Variants in PLA2G5 observed in about 807,000 individuals in gnomAD.
PLA2G5 encodes the protein Ca2+-dependent phospholipase A2.
Under a neutral mutation model 15.9 loss-of-function variants are expected in PLA2G5, and 12 were observed. The observed-to-expected ratio is 0.76, with a 90% CI of 0.48 to 1.23. The LOEUF (loss-of-function observed/expected upper bound fraction) is 1.23. PLA2G5 is among the 50% of genes most tolerant of loss of function. The pLI is 0.00. For missense variants in PLA2G5, 169 were observed against 177.1 expected (o/e 0.95, Z 0.26); for synonymous variants, 71 against 71.4 (o/e 0.99, Z 0.03).
intron 2 of PLA2G5, among the ~76,000 whole-genome samples, chr1:20,060,896 T>G (rs1293087152): frequency 6.6e-6 from 1 of 152,132 alleles, no homozygotes; most frequent in Non-Finnish European, 1.5e-5. Flanking sequence ...TTTGTATTTT[T>G]GGTAGAGATG....
chr1:20,068,652 T>G (rs952191428), upstream of PLA2G5, among the ~76,000 whole-genome samples: 1 of 152,004 alleles, frequency 6.6e-6, no homozygotes, highest in Non-Finnish European at 1.5e-5. Flanking sequence ...GGTTTCTCCA[T>G]GTTGGTCAGG....
chr1:20,049,567 T>C (rs1434232222), intron 1 of PLA2G5, among the ~76,000 whole-genome samples: 2 of 152,154 alleles, frequency 1.3e-5, no homozygotes, highest in African/African-American at 4.8e-5. Context: ...GGTTTTTCCC[T>C]TGCTGTTCTC....
intron 1 of PLA2G5, among the ~76,000 whole-genome samples, chr1:20,034,347 GCCAGAT>G (rs2013132012): frequency 6.6e-6 from 1 of 152,158 alleles, no homozygotes; most frequent in Non-Finnish European, 1.5e-5. Context: ...ACTTTGGGAA[GCCAGAT>G]CCAAGGGAAT....
chr1:20,062,373 C>T (rs1347385352), intron 2 of PLA2G5, among the ~76,000 whole-genome samples: 1 of 152,212 alleles, frequency 6.6e-6, no homozygotes, highest in Non-Finnish European at 1.5e-5. Flanking sequence ...ATGCAAGAAA[C>T]TTCAGTTTAA....
chr1:20,084,478 C>T (rs923203746), intron 1 of PLA2G5, among the ~76,000 whole-genome samples: 4 of 152,190 alleles, frequency 2.6e-5, no homozygotes, highest in African/African-American at 7.2e-5. Context: ...TGCTTCTCCA[C>T]GTATGCCACC....
chr1:20,064,489 C>T (rs774183517), intron 2 of PLA2G5, among the ~76,000 whole-genome samples: 5 of 151,554 alleles, frequency 3.3e-5, no homozygotes, highest in Non-Finnish European at 5.9e-5. Flanking sequence ...GTGGCAGGAT[C>T]GCTTGAACCT....
intron 2 of PLA2G5, among the ~76,000 whole-genome samples, chr1:20,085,374 G>A (rs540431409): frequency 6.6e-6 from 1 of 152,036 alleles, no homozygotes; most frequent in South Asian, 2.1e-4. Context: ...AGGCTGTCCT[G>A]CTCCTTGATG....
chr1:20,077,451 G>A (rs189567605), intron 1 of PLA2G5, among the ~76,000 whole-genome samples: 1 of 152,322 alleles, frequency 6.6e-6, no homozygotes, highest in Admixed American at 6.5e-5. Flanking sequence ...AGCCAGAGGA[G>A]TCGTGCATTC....
chr1:20,083,478 G>A (rs551528556), intron 1 of PLA2G5, among the ~76,000 whole-genome samples: 6 of 151,730 alleles, frequency 4.0e-5, no homozygotes, highest in East Asian at 1.9e-4. Flanking sequence ...CAGGCCTGCC[G>A]AGCTGTGGAC....
At chr1:20,062,892 C>T (rs2014808254) in intron 2 of PLA2G5, among the ~76,000 whole-genome samples, 1 of 152,122 alleles carries the variant, frequency 6.6e-6, no homozygotes, top group African/African-American at 2.4e-5. Flanking sequence ...GGACAAGCTG[C>T]TTGTCTGGGC....
chr1:20,034,287 A>C (rs1287865522), intron 1 of PLA2G5, among the ~76,000 whole-genome samples: 1 of 152,192 alleles, frequency 6.6e-6, no homozygotes, highest in Non-Finnish European at 1.5e-5. Flanking sequence ...AGTCCATATT[A>C]GTTGGGTGGA....
chr1:20,071,496 A>G (rs2015375340), intron 1 of PLA2G5, among the ~76,000 whole-genome samples: 1 of 152,198 alleles, frequency 6.6e-6, no homozygotes, highest in African/African-American at 2.4e-5. Context: ...CAGGTTGCTC[A>G]CAGCCTGGTG....
chr1:20,059,536 A>G (rs2014599999), intron 1 of PLA2G5: 1 of 152,260 alleles, frequency 6.6e-6, no homozygotes, highest in South Asian at 2.1e-4. Flanking sequence ...AAATATGGGA[A>G]GAGGGTTATG....
intron 1 of PLA2G5, among the ~76,000 whole-genome samples, chr1:20,050,591 G>T (rs2014133516): frequency 6.6e-6 from 1 of 152,124 alleles, no homozygotes; most frequent in Non-Finnish European, 1.5e-5. Flanking sequence ...TTATGGTCAA[G>T]ATTAAAACTT....
intron 1 of PLA2G5, among the ~76,000 whole-genome samples, chr1:20,043,758 C>T (rs989353237): frequency 6.6e-6 from 1 of 152,160 alleles, no homozygotes; most frequent in African/African-American, 2.4e-5. Flanking sequence ...GATTTTGAAG[C>T]TTGGCCGTCA....
intron 1 of PLA2G5, among the ~76,000 whole-genome samples, chr1:20,059,417 T>A (rs2014592687): frequency 6.6e-6 from 1 of 151,078 alleles, no homozygotes; most frequent in African/African-American, 2.4e-5. Context: ...AGTGAGGTCC[T>A]GTCTAAAAAA....
rs555472351 is a variant in PLA2G5, at chr1:20,082,411, C to A, written c.-10-2410C>A. ...CGTTCTTCCCTTACCAGCCGAACGT[C>A]CCTAGCAGGTCATATACCAGTTAAA... On this transcript the variant is annotated intron_variant, in intron 1 of 4. Coordinates refer to ENST00000375108, the MANE Select transcript of PLA2G5 (RefSeq NM_000929.3). Among the ~76,000 whole-genome samples the A allele has an allele frequency of 2.6e-5, 4 of 151,904 alleles. No individual in the cohort carries two copies. The East Asian group carries it at 7.7e-4, about 29-fold the overall frequency.
chr1:20,090,961 G>C lies in PLA2G5; in HGVS notation c.*269G>C, dbSNP rs1375644813. On this transcript the variant is annotated 3_prime_UTR_variant, in exon 5 of 5. Coordinates refer to ENST00000375108, the MANE Select transcript of PLA2G5 (RefSeq NM_000929.3). ...GTGCCAAGAGCTCTCCTCCAACTCA[G>C]GGTTGGCTGTGTCTCTTTTCTTCTC... The C allele has an allele frequency of 2.7e-6, 1 of 363,922 alleles. No individual in the cohort carries two copies. Among genetic ancestry groups the C allele is most frequent in the East Asian group, 4.8e-5 (1 of 20,996 alleles). The allele number at this position is 363,922 out of a possible 1,614,324, so 22.5% of individuals were successfully genotyped here. A position where few individuals can be genotyped will look rare whatever the true frequency, so the allele number is the denominator to read the frequency against.
upstream of PLA2G5, among the ~76,000 whole-genome samples, chr1:20,068,401 C>G (rs2015163473): frequency 6.7e-6 from 1 of 149,628 alleles, no homozygotes; most frequent in South Asian, 2.1e-4. Context: ...AAACAAGGTA[C>G]TAAACATTAC....
Sources: allele counts gnomAD v4.1 joint callset (sites outside exome capture counted in the v4.1 genomes callset), GRCh38; gene constraint gnomAD v4.1.1; transcripts MANE v1.5; gene names NCBI Gene and HGNC (gene_info 2026-07-23, HGNC 2026-07-21).